The following SLC8A1 variants were observed in gnomAD, a reference collection of about 807,000 sequenced individuals.
SLC8A1 encodes the protein sodium/calcium exchanger 1.
In SLC8A1, 18 loss-of-function variants were observed where a neutral mutation model predicts 68.3. That is an observed-to-expected ratio of 0.26 (90% CI 0.18 to 0.39). The LOEUF is 0.39. Ranked by LOEUF, SLC8A1 falls within the 10% of genes least tolerant of loss-of-function variation. SLC8A1 has a pLI of 1.00. For missense variants in SLC8A1, 985 were observed against 1,156.7 expected, an observed-to-expected ratio of 0.85 and a Z score of 2.15; for synonymous variants, 475 against 415.5, an observed-to-expected ratio of 1.14 and a Z score of -1.74.
intron 1 of SLC8A1, among the ~76,000 whole-genome samples, chr2:40,505,160 T>C (rs1321442503): frequency 6.6e-6 from 1 of 151,816 alleles, no homozygotes; most frequent in Non-Finnish European, 1.5e-5. Context: ...ATTGAACTCA[T>C]GGACATAGAG....
In SLC8A1 at chr2:40,274,536, T is replaced by G. The variant is rs944987248; in HGVS notation, c.1809-96681A>C. Among the ~76,000 whole-genome samples the G allele has an allele frequency of 2.6e-5, 4 of 152,162 alleles. No homozygotes were observed. In the South Asian group the frequency reaches 8.3e-4, roughly 32 times the overall value. Reference sequence around the variant, plus strand: ...CCTGTGTACACTTATGCAACTCTTTTGATCATTTGCTCTAAATGCTCATTA... The same window carrying G: ...CCTGTGTACACTTATGCAACTCTTTGGATCATTTGCTCTAAATGCTCATTA... On this transcript the variant is annotated intron_variant, in intron 2 of 7. Coordinates refer to ENST00000406785, the Ensembl canonical transcript of SLC8A1.
At chr2:40,483,393 G>A (rs1182305993) in intron 1 of SLC8A1, among the ~76,000 whole-genome samples, 6 of 152,188 alleles carry the variant, frequency 3.9e-5, no homozygotes, top group African/African-American at 1.4e-4. Flanking sequence ...TGTGAGTAGA[G>A]GGAGAGGGTG....
At chr2:40,442,661 A>G (rs1448940881) in intron 1 of SLC8A1, among the ~76,000 whole-genome samples, 1 of 152,176 alleles carries the variant, frequency 6.6e-6, no homozygotes, top group Non-Finnish European at 1.5e-5. Flanking sequence ...TGATGGGATT[A>G]TAAATTAGTT....
At chr2:40,213,835 T>A (rs570940246) in intron 2 of SLC8A1, among the ~76,000 whole-genome samples, 12 of 152,324 alleles carry the variant, frequency 7.9e-5, no homozygotes, top group Non-Finnish European at 1.8e-4. Context: ...CTGGGGATAA[T>A]TCATCAAGCT....
intron 2 of SLC8A1, among the ~76,000 whole-genome samples, chr2:40,246,479 A>G (rs1038324729): frequency 1.3e-5 from 2 of 152,170 alleles, no homozygotes; most frequent in South Asian, 2.1e-4. Flanking sequence ...TTGTTCTTCT[A>G]TGAGTTTTAT....
intron 6 of SLC8A1, among the ~76,000 whole-genome samples, chr2:40,141,107 A>G (rs2041476895): frequency 6.6e-6 from 1 of 152,172 alleles, no homozygotes; most frequent in African/African-American, 2.4e-5. Flanking sequence ...CAACCTTGTC[A>G]TCAGGGTGCT....
chr2:40,222,052 G>T (rs531122181), intron 2 of SLC8A1, among the ~76,000 whole-genome samples: 3 of 152,254 alleles, frequency 2.0e-5, no homozygotes, highest in African/African-American at 7.2e-5. Flanking sequence ...AAAAGAGCCT[G>T]TGTAGCCAAG....
At chr2:40,261,931 G>C (rs776177865) in intron 2 of SLC8A1, among the ~76,000 whole-genome samples, 1 of 150,838 alleles carries the variant, frequency 6.6e-6, no homozygotes, top group African/African-American at 2.4e-5. Flanking sequence ...CTCCACAATT[G>C]TAAGCTCCTT....
chr2:40,468,823 C>T (rs1703841938), intron 1 of SLC8A1, among the ~76,000 whole-genome samples: 1 of 151,960 alleles, frequency 6.6e-6, no homozygotes, highest in Admixed American at 6.6e-5. Flanking sequence ...CGACTATAAT[C>T]CCAGCTATTA....
At chr2:40,452,351 G>A (rs1340465950), upstream of SLC8A1, among the ~76,000 whole-genome samples, 3 of 152,010 alleles carry the variant, frequency 2.0e-5, no homozygotes, top group East Asian at 1.9e-4. Flanking sequence ...CGGGTGGGGA[G>A]CCCTTCCAGC....
At chr2:40,393,932 T>C (rs541353845) in intron 2 of SLC8A1, among the ~76,000 whole-genome samples, 22 of 152,126 alleles carry the variant, frequency 1.4e-4, no homozygotes, top group Non-Finnish European at 2.1e-4. Context: ...CCACAAGCCC[T>C]GAGAACACAG....
intron 1 of SLC8A1, among the ~76,000 whole-genome samples, chr2:40,508,928 A>G (rs1010953344): frequency 6.6e-6 from 1 of 152,124 alleles, no homozygotes; most frequent in Admixed American, 6.5e-5. Flanking sequence ...CCTCAGGGGT[A>G]CAATGTGGGC....
intron 1 of SLC8A1, among the ~76,000 whole-genome samples, chr2:40,510,565 T>C (rs147168654): frequency 2.2e-4 from 33 of 152,316 alleles, no homozygotes; most frequent in African/African-American, 7.7e-4. Context: ...GCTGTTTCTT[T>C]TGAGAAGCCG....
At chr2:40,124,079 T>C (rs2037525685) in intron 7 of SLC8A1, among the ~76,000 whole-genome samples, 1 of 152,220 alleles carries the variant, frequency 6.6e-6, no homozygotes, top group Non-Finnish European at 1.5e-5. Flanking sequence ...ATTTTAGAGA[T>C]AGTAAAGACA....
intron 7 of SLC8A1, among the ~76,000 whole-genome samples, chr2:40,119,261 T>A (rs1163376755): frequency 6.6e-6 from 1 of 152,150 alleles, no homozygotes; most frequent in African/African-American, 2.4e-5. Flanking sequence ...CTACTTTGTG[T>A]CTCATAGGTT....
intron 2 of SLC8A1, among the ~76,000 whole-genome samples, chr2:40,179,006 G>A (rs966323398): frequency 4.7e-5 from 7 of 150,378 alleles, no homozygotes; most frequent in Non-Finnish European, 1.0e-4. Flanking sequence ...ATCATAAATT[G>A]TTATTAAAAT....
chr2:40,401,546 G>A (rs1290984203), intron 2 of SLC8A1, among the ~76,000 whole-genome samples: 2 of 95,158 alleles, frequency 2.1e-5, no homozygotes, highest in East Asian at 7.0e-4. Context: ...AAGGAAACTA[G>A]TTTTGAATTA....
chr2:40,156,494 T>C (rs1031309080), intron 6 of SLC8A1, among the ~76,000 whole-genome samples: 5 of 9,766 alleles, frequency 5.1e-4, no homozygotes, highest in Non-Finnish European at 1.7e-3. Context: ...ATATTTAACA[T>C]TAGGTAAAAG....
Position 40,375,263 on chromosome 2 carries a change from C to A in SLC8A1, c.1808+53210G>T, listed in dbSNP as rs770149528. On this transcript the variant is annotated intron_variant, in intron 2 of 7. Coordinates refer to ENST00000406785, the Ensembl canonical transcript of SLC8A1. ...AACAGCATAAACACAGATATTAGTA[C>A]CTTTGGCTTTGATGAATTCAAGACA... Among the ~76,000 whole-genome samples the A allele has an allele frequency of 3.0e-4, 45 of 151,932 alleles. 1 individual carries two copies. Among genetic ancestry groups the A allele is most frequent in the Admixed American group, 1.4e-3 (21 of 15,252 alleles).
Sources: gnomAD v4.1 joint callset for allele counts (sites outside exome capture counted in the v4.1 genomes callset) on GRCh38, gnomAD v4.1.1 for gene constraint, MANE v1.5 for transcripts, NCBI Gene and HGNC (gene_info 2026-07-23, HGNC 2026-07-21) for gene names.